Variants in SLC13A1 observed in about 807,000 individuals in gnomAD.
The protein encoded by SLC13A1 is Na(+)/sulfate cotransporter.
SLC13A1 carries 65 observed loss-of-function variants against 70.0 expected under a neutral mutation model. The ratio of observed to expected loss-of-function variants is 0.93; its 90% CI spans 0.76 to 1.14. The LOEUF (loss-of-function observed/expected upper bound fraction) is 1.14. Ranked by LOEUF, SLC13A1 falls within the 50% of genes most tolerant of loss-of-function variation. The probability of loss-of-function intolerance (pLI) is 0.00; values close to 1 mark genes in which losing one functional copy is unlikely to be tolerated. For missense variants in SLC13A1, 726 were observed against 717.8 expected (o/e 1.01, Z -0.13); for synonymous variants, 275 against 250.5 (o/e 1.10, Z -0.92).
chr7:123,146,084 A>T (rs1025142004), intron 7 of SLC13A1, among the ~76,000 whole-genome samples: 13 of 152,174 alleles, frequency 8.5e-5, no homozygotes, highest in Non-Finnish European at 1.8e-4. Context: ...ATGGACTTTC[A>T]TACTATTGTT....
intron 7 of SLC13A1, among the ~76,000 whole-genome samples, chr7:123,139,842 A>T (rs1563326599): frequency 1.3e-5 from 2 of 152,010 alleles, no homozygotes. Flanking sequence ...CAAATATCAG[A>T]TCATATCATC....
intron 12 of SLC13A1, among the ~76,000 whole-genome samples, chr7:123,122,726 A>T (rs1793425601): frequency 6.6e-6 from 1 of 152,116 alleles, no homozygotes; most frequent in Admixed American, 6.6e-5. Flanking sequence ...ATCATGATAT[A>T]CTGAAGTCCA....
rs1271128319 is a variant in SLC13A1, at chr7:123,114,348, G to A, written c.*1170C>T. 6.6e-6 allele frequency: 1 copy of A among 151,982 alleles called. No individual in the cohort carries two copies. Among genetic ancestry groups the A allele is most frequent in the Non-Finnish European group, 1.5e-5 (1 of 67,988 alleles). The allele number at this position is 151,982 out of a possible 1,614,324, so 9.4% of individuals were successfully genotyped here. ...TGCTACCTGTCTACAATGTGTAATTGTCACATCAGGGTAATTGGAAACTCA... is the reference window on the plus strand; with the variant it reads ...TGCTACCTGTCTACAATGTGTAATTATCACATCAGGGTAATTGGAAACTCA... On this transcript the variant is annotated 3_prime_UTR_variant, in exon 15 of 15. Coordinates refer to ENST00000194130, the MANE Select transcript of SLC13A1 (RefSeq NM_022444.4).
intron 6 of SLC13A1, among the ~76,000 whole-genome samples, 191 bp downstream of exon 6, chr7:123,168,183 T>G (rs1218823258): frequency 6.6e-6 from 1 of 152,190 alleles, no homozygotes; most frequent in Admixed American, 6.6e-5. Context: ...CCTAAAATGG[T>G]TCCTATCCAG....
intron 1 of SLC13A1, chr7:123,190,395 A>G: frequency 3.0e-6 from 1 of 334,906 alleles, no homozygotes; most frequent in South Asian, 2.3e-5. Context: ...CATAAACAAA[A>G]AAGGCTTACT....
chr7:123,116,127 C>T lies in SLC13A1; in HGVS notation c.1651-472G>A, dbSNP rs73217754. The stretch of plus-strand genomic sequence containing the variant: ...ATGGCAACTGTATCTTTTATATTCA[C>T]TCAACGTAATTGTTAATTTAACCTT... On this transcript the variant is annotated intron_variant, in intron 14 of 14. Coordinates refer to ENST00000194130, the MANE Select transcript of SLC13A1 (RefSeq NM_022444.4). 8.9e-3 allele frequency among the ~76,000 whole-genome samples: 1,353 copies of T among 152,292 alleles called. 13 individuals carry two copies. Among genetic ancestry groups the T allele is most frequent in the Non-Finnish European group, 0.014 (957 of 68,024 alleles).
At chr7:123,126,787 T>C (rs1484878185) in intron 10 of SLC13A1, among the ~76,000 whole-genome samples, 1 of 152,118 alleles carries the variant, frequency 6.6e-6, no homozygotes, top group Non-Finnish European at 1.5e-5. Context: ...CTTATTTCTT[T>C]TATTTCAGTT....
At chr7:123,142,265 C>G (rs1389492033) in intron 7 of SLC13A1, among the ~76,000 whole-genome samples, 1 of 152,102 alleles carries the variant, frequency 6.6e-6, no homozygotes, top group Non-Finnish European at 1.5e-5. Flanking sequence ...CACTGATGTT[C>G]CCTTAAGGTC....
At chr7:123,194,555 A>C (rs2116685352) in intron 1 of SLC13A1, among the ~76,000 whole-genome samples, 1 of 152,256 alleles carries the variant, frequency 6.6e-6, no homozygotes, top group African/African-American at 2.4e-5. Flanking sequence ...TGGCATTTAA[A>C]AAATAGTACT....
intron 6 of SLC13A1, among the ~76,000 whole-genome samples, chr7:123,159,221 A>G (rs1585350296): frequency 6.6e-6 from 1 of 152,330 alleles, no homozygotes; most frequent in South Asian, 2.1e-4. Flanking sequence ...ACATGATATT[A>G]ATGACTGAAT....
chr7:123,123,849 A>G (rs2116280861), intron 11 of SLC13A1, among the ~76,000 whole-genome samples: 2 of 152,268 alleles, frequency 1.3e-5, no homozygotes, highest in South Asian at 4.1e-4. Flanking sequence ...TGATCTCTCC[A>G]TTGCTTTGTT....
chr7:123,140,073 CT>C (rs911667846), intron 7 of SLC13A1, among the ~76,000 whole-genome samples: 6 of 141,482 alleles, frequency 4.2e-5, no homozygotes, highest in East Asian at 2.2e-4. Context: ...TATACAGCTT[CT>C]TTTTTTAAAA....
At chr7:123,164,937 T>G (rs1795021999) in intron 6 of SLC13A1, among the ~76,000 whole-genome samples, 1 of 151,794 alleles carries the variant, frequency 6.6e-6, no homozygotes, top group Non-Finnish European at 1.5e-5. Flanking sequence ...AAATTCAAAG[T>G]CAAACCCCAC....
At chr7:123,165,546 TC>T (rs1277360266) in intron 6 of SLC13A1, among the ~76,000 whole-genome samples, 1 of 152,096 alleles carries the variant, frequency 6.6e-6, no homozygotes, top group Non-Finnish European at 1.5e-5. Context: ...ATAAAAAAGC[TC>T]AGTTGCTCAG....
chr7:123,160,598 C>T (rs1442760592), intron 6 of SLC13A1, among the ~76,000 whole-genome samples: 2 of 152,072 alleles, frequency 1.3e-5, no homozygotes, highest in Non-Finnish European at 2.9e-5. Context: ...CTTGATCTTA[C>T]AGAGTTTTGG....
Position 123,171,877 on chromosome 7 carries a change from G to C in SLC13A1, c.256C>G (p.His86Asp). Residue 86 changes from histidine to aspartate, a missense_variant, in exon 3 of 15, where the codon CAC (histidine) becomes GAC (aspartate). His to Asp is a moderately conservative substitution (Grantham distance 81). Coordinates refer to ENST00000194130, the MANE Select transcript of SLC13A1 (RefSeq NM_022444.4). Reference sequence around the variant, plus strand: ...CAGATAACTCCAATTAGCAGTAAGTGAAAATCCTTGAAATAAGCAGATGCC... The same window carrying C: ...CAGATAACTCCAATTAGCAGTAAGTCAAAATCCTTGAAATAAGCAGATGCC... ...KVASAYFKDFHLLLIGVICLA... is the reference protein window; with the variant it reads ...KVASAYFKDFDLLLIGVICLA... The C allele has an allele frequency of 6.2e-7, 1 of 1,613,052 alleles. No individual in the cohort carries two copies. The highest frequency in any genetic ancestry group is 8.5e-7 in the Non-Finnish European group (1 of 1,179,514).
chr7:123,136,204 G>C (rs1317565632), intron 7 of SLC13A1, among the ~76,000 whole-genome samples: 1 of 152,172 alleles, frequency 6.6e-6, no homozygotes, highest in Non-Finnish European at 1.5e-5. Flanking sequence ...CCACTGGAGA[G>C]AATCCTGCAA....
chr7:123,169,238 C>G lies in SLC13A1; in HGVS notation c.463G>C (p.Val155Leu). 1 of 1,614,072 alleles carries G rather than the reference C, an allele frequency of 6.2e-7. No homozygotes were observed. Among genetic ancestry groups the G allele is most frequent in the Middle Eastern group, 1.7e-4 (1 of 6,052 alleles). ...GCTTCTGCATTGATGATCTGCTGCACTACAGCCTCCGCAATGGGCATCACC... is the reference window on the plus strand; with the variant it reads ...GCTTCTGCATTGATGATCTGCTGCAGTACAGCCTCCGCAATGGGCATCACC... Reference protein sequence around the residue: ...AMVMPIAEAVVQQIINAEAEV... With the variant: ...AMVMPIAEAVLQQIINAEAEV... The change falls in exon 4 of 15, where the codon GTG (valine) becomes CTG (leucine). Residue 155 changes from valine (V) to leucine (L), a missense_variant. Val to Leu is a conservative substitution (Grantham distance 32). Transcript: ENST00000194130.
chr7:123,170,109 A>C (rs991637795), intron 3 of SLC13A1, among the ~76,000 whole-genome samples: 9 of 152,176 alleles, frequency 5.9e-5, no homozygotes, highest in Non-Finnish European at 1.2e-4. Context: ...ACTTGGGGAA[A>C]AAAATGATCT....
Sources: gnomAD v4.1 joint callset for allele counts (sites outside exome capture counted in the v4.1 genomes callset) on GRCh38, gnomAD v4.1.1 for gene constraint, MANE v1.5 for transcripts, NCBI Gene and HGNC (gene_info 2026-07-23, HGNC 2026-07-21) for gene names.